The following LRP1B variants were observed in gnomAD, a reference collection of about 807,000 sequenced individuals.
The protein encoded by LRP1B is low-density lipoprotein receptor-related protein 1B.
LRP1B carries 217 observed loss-of-function variants against 556.6 expected under a neutral mutation model. The ratio of observed to expected loss-of-function variants is 0.39; its 90% CI spans 0.35 to 0.44. The LOEUF (loss-of-function observed/expected upper bound fraction) is 0.44, where lower values mean the gene tolerates loss of function less well. Ranked by LOEUF, LRP1B falls within the 20% of genes least tolerant of loss-of-function variation. The pLI is 1.00. For synonymous variants in LRP1B, 2,047 were observed against 1,865.8 expected, an observed-to-expected ratio of 1.10 and a Z score of -2.50; for missense variants, 5,053 against 5,620.8, an observed-to-expected ratio of 0.90 and a Z score of 3.23.
intron 7 of LRP1B, among the ~76,000 whole-genome samples, chr2:141,170,792 A>G (rs1680471522): frequency 6.6e-6 from 1 of 152,150 alleles, no homozygotes; most frequent in African/African-American, 2.4e-5. Context: ...AAACAGGCTC[A>G]CCTAGAATTC....
At chr2:141,938,830 G>T (rs1700710804) in intron 1 of LRP1B, among the ~76,000 whole-genome samples, 1 of 151,934 alleles carries the variant, frequency 6.6e-6, no homozygotes, top group African/African-American at 2.4e-5. Flanking sequence ...GAAAAAGAAG[G>T]TCCTGTCATT....
chr2:141,544,336 TCTTCTTC>T (rs1223899683), intron 2 of LRP1B, among the ~76,000 whole-genome samples: 19 of 76,982 alleles, frequency 2.5e-4, no homozygotes, highest in East Asian at 5.0e-4. Flanking sequence ...TTCTTCTTCT[TCTTCTTC>T]TTCTTCTTCT....
rs533541410 is a variant in LRP1B at position 141,730,964 on chromosome 2, C to T, written c.205+79315G>A. Among the ~76,000 whole-genome samples, 7 of 152,188 alleles carry T rather than the reference C, an allele frequency of 4.6e-5. No individual in the cohort carries two copies. In the East Asian group the frequency reaches 1.4e-3, roughly 30 times the overall value. On this transcript the variant is annotated intron_variant, in intron 2 of 90. Transcript: ENST00000389484. ...TTACGTTATCATCTAATAGCCAATC[C>T]GGAATTACGAAACAATAACTTCAAG... is the stretch of plus-strand genomic sequence containing the variant.
At chr2:140,693,785 G>T (rs1686328441) in intron 41 of LRP1B, among the ~76,000 whole-genome samples, 1 of 152,084 alleles carries the variant, frequency 6.6e-6, no homozygotes, top group Non-Finnish European at 1.5e-5. Context: ...TTGGCTCACT[G>T]CAACCTCTGC....
chr2:141,854,832 A>G (rs1254016618), intron 1 of LRP1B, among the ~76,000 whole-genome samples: 6 of 152,030 alleles, frequency 3.9e-5, no homozygotes, highest in Non-Finnish European at 8.8e-5. Flanking sequence ...TATTATCTGT[A>G]CCTATTATTT....
At chr2:141,508,092 A>C (rs112788930) in intron 2 of LRP1B, among the ~76,000 whole-genome samples, 11,449 of 131,044 alleles carry the variant, frequency 0.087, 593 homozygotes, top group South Asian at 0.2. Context: ...TCCCCCCCCC[A>C]AAAAAAAAGA....
intron 6 of LRP1B, among the ~76,000 whole-genome samples, chr2:141,195,281 C>T (rs1303921830): frequency 6.6e-6 from 1 of 152,058 alleles, no homozygotes; most frequent in Non-Finnish European, 1.5e-5. Flanking sequence ...TGCCAGCAGC[C>T]ACAAGAGTGA....
chr2:140,953,892 A>G (rs556774996), intron 18 of LRP1B, among the ~76,000 whole-genome samples: 1 of 152,286 alleles, frequency 6.6e-6, no homozygotes, highest in Non-Finnish European at 1.5e-5. Context: ...CACTCTTTGT[A>G]CTACACTCTA....
At chr2:141,315,187 T>C (rs1274005992) in intron 3 of LRP1B, among the ~76,000 whole-genome samples, 1 of 144,572 alleles carries the variant, frequency 6.9e-6, no homozygotes, top group Non-Finnish European at 1.5e-5. Flanking sequence ...ATTATACAAA[T>C]ATGAAAAATG....
At chr2:141,973,369 T>C (rs1269755024) in intron 1 of LRP1B, among the ~76,000 whole-genome samples, 1 of 151,836 alleles carries the variant, frequency 6.6e-6, no homozygotes, top group Non-Finnish European at 1.5e-5. Context: ...AATAGGCAGC[T>C]GTACTTTTGA....
At chr2:142,113,640 A>C (rs1449483) in intron 1 of LRP1B, among the ~76,000 whole-genome samples, 133,143 of 152,006 alleles carry the variant, frequency 0.88, 58,408 homozygotes, top group East Asian at 0.93. Context: ...AACTAACTAA[A>C]TAAATAAATA....
chr2:140,293,393 G>GTAA (rs1683474281), intron 84 of LRP1B, among the ~76,000 whole-genome samples: 1 of 152,132 alleles, frequency 6.6e-6, no homozygotes, highest in Non-Finnish European at 1.5e-5. Flanking sequence ...CTTACTTAAA[G>GTAA]AATACTTGAT....
intron 7 of LRP1B, among the ~76,000 whole-genome samples, chr2:141,140,395 C>T (rs16845490): frequency 6.6e-6 from 1 of 151,860 alleles, no homozygotes; most frequent in Non-Finnish European, 1.5e-5. Flanking sequence ...AAATGATATA[C>T]ATTGGGTGCT....
At chr2:141,433,238 T>C (rs906955218) in intron 3 of LRP1B, among the ~76,000 whole-genome samples, 2 of 152,054 alleles carry the variant, frequency 1.3e-5, no homozygotes, top group South Asian at 4.1e-4. Context: ...TTTCCTTGTA[T>C]TTAAAGAATA....
At chr2:141,040,895 G>A (rs982996769) in intron 11 of LRP1B, among the ~76,000 whole-genome samples, 1 of 152,046 alleles carries the variant, frequency 6.6e-6, no homozygotes, top group Non-Finnish European at 1.5e-5. Flanking sequence ...ATCTTTCGGA[G>A]AATATATTTG....
chr2:140,342,534 A>G (rs534791466), intron 77 of LRP1B, among the ~76,000 whole-genome samples: 1 of 151,762 alleles, frequency 6.6e-6, no homozygotes, highest in East Asian at 1.9e-4. Flanking sequence ...AGATTTTCAA[A>G]TAATTTTTAA....
chr2:141,373,695 T>C (rs557046134), intron 3 of LRP1B, among the ~76,000 whole-genome samples: 1 of 152,170 alleles, frequency 6.6e-6, no homozygotes, highest in Non-Finnish European at 1.5e-5. Flanking sequence ...GGAAGATCCT[T>C]TTCTTTATGT....
intron 74 of LRP1B, among the ~76,000 whole-genome samples, chr2:140,356,693 A>C (rs1573838664): frequency 6.6e-6 from 1 of 151,924 alleles, no homozygotes; most frequent in East Asian, 1.9e-4. Context: ...GATTAGACCA[A>C]GCTGCTAACA....
chr2:140,635,734 G>A (rs1417052955), intron 41 of LRP1B, among the ~76,000 whole-genome samples: 1 of 151,964 alleles, frequency 6.6e-6, no homozygotes, highest in African/African-American at 2.4e-5. Flanking sequence ...ACTAGCCATG[G>A]CCAAATATAT....
Sources: allele counts gnomAD v4.1 joint callset (sites outside exome capture counted in the v4.1 genomes callset), GRCh38; gene constraint gnomAD v4.1.1; transcripts MANE v1.5; gene names NCBI Gene and HGNC (gene_info 2026-07-23, HGNC 2026-07-21).